DHDDS: variants seen among roughly 807,000 people sequenced by gnomAD.
DHDDS encodes the protein dehydrodolichyl diphosphate synthase subunit.
A neutral mutation model predicts 46.2 loss-of-function variants in DHDDS; 16 were observed. The observed-to-expected ratio is 0.35, with a 90% confidence interval of 0.23 to 0.53. The LOEUF is 0.53. DHDDS is among the 20% of genes least tolerant of loss of function. The pLI is 0.94. For synonymous variants in DHDDS, 151 were observed against 163.1 expected (o/e 0.93, Z 0.56); for missense variants, 340 against 423.7 (o/e 0.80, Z 1.73).
intron 8 of DHDDS, 86 bp from the exon 9 acceptor site, chr1:26,468,808 TG>T: frequency 1.3e-5 from 5 of 370,936 alleles, no homozygotes; most frequent in South Asian, 2.9e-5. Flanking sequence ...TGGCCCACCC[TG>T]TGCCCCACCC....
In DHDDS at chr1:26,469,661, C is replaced by A; in HGVS notation, c.*530C>A. 8 of 226,836 alleles carry A rather than the reference C, an allele frequency of 3.5e-5. No homozygotes were observed. Among genetic ancestry groups the A allele is most frequent in the Admixed American group, 1.0e-4 (2 of 19,458 alleles). The allele number at this position is 226,836 out of a possible 1,614,324, so 14.1% of individuals were successfully genotyped here. Reference sequence around the variant, plus strand: ...CCCATCTGCTGCTCCTCCCCCTTGGCTCTCCACCTGGGATTTGCTATTGAA... The same window carrying A: ...CCCATCTGCTGCTCCTCCCCCTTGGATCTCCACCTGGGATTTGCTATTGAA... On this transcript the variant is annotated 3_prime_UTR_variant, in exon 9 of 9. Transcript: ENST00000236342.
In DHDDS at chr1:26,457,067, G is replaced by A. The variant is rs570829915; in HGVS notation, c.543-724G>A. 2.0e-5 allele frequency among the ~76,000 whole-genome samples: 3 copies of A among 152,244 alleles called. No homozygotes were observed. The East Asian group carries it at 5.8e-4, about 29-fold the overall frequency. On this transcript the variant is annotated intron_variant, in intron 6 of 8. Transcript: ENST00000236342. ...TTAGCAAAAGACAACAGATATTTTT[G>A]TGGGTGCATCTGGTTTTAGGCCTGA...
intron 6 of DHDDS, chr1:26,455,149 T>C (rs2075359069): frequency 1.3e-6 from 1 of 773,940 alleles, no homozygotes; most frequent in African/African-American, 1.7e-5. Context: ...ATTTGCATGA[T>C]ATCATGAGGT....
chr1:26,450,231 C>T lies in DHDDS; in HGVS notation c.542+2571C>T, dbSNP rs79713406. Among the ~76,000 whole-genome samples, 833 of 152,326 alleles carry T rather than the reference C, an allele frequency of 5.5e-3. 6 individuals are homozygous for T. Among genetic ancestry groups the T allele is most frequent in the African/African-American group, 0.019 (783 of 41,570 alleles). On this transcript the variant is annotated intron_variant, in intron 6 of 8. Coordinates refer to ENST00000236342, the MANE Select transcript of DHDDS (RefSeq NM_205861.3). ...AGTGCAGTGGGGCAATCAAAGCTCA[C>T]TGAAGCTTGGAACTCCTGGTCTCAA...
intron 8 of DHDDS, among the ~76,000 whole-genome samples, chr1:26,461,060 GA>G (rs1315715862): frequency 6.6e-6 from 1 of 152,140 alleles, no homozygotes; most frequent in African/African-American, 2.4e-5. Context: ...TTTCAGTAGA[GA>G]CAGTGTTTCA....
chr1:26,465,304 T>C (rs1303311362), intron 8 of DHDDS, among the ~76,000 whole-genome samples: 1 of 152,218 alleles, frequency 6.6e-6, no homozygotes, highest in Non-Finnish European at 1.5e-5. Context: ...TCTTCTGCTC[T>C]TCAGGTTGTC....
At chr1:26,432,727 A>T (rs562261084) in intron 1 of DHDDS, 164 bp from the exon 2 acceptor site, 1 of 587,276 alleles carries the variant, frequency 1.7e-6, no homozygotes, top group South Asian at 2.0e-5. Flanking sequence ...TCCAGAGGTC[A>T]CATTGCGTTA....
chr1:26,433,074 T>C, intron 2 of DHDDS, 66 bp downstream of exon 2: 2 of 1,545,550 alleles, frequency 1.3e-6, no homozygotes, highest in Non-Finnish European at 1.8e-6. Context: ...TAAAAACCTG[T>C]TATTAAAGTT....
chr1:26,451,498 C>T (rs1372503702), intron 6 of DHDDS, among the ~76,000 whole-genome samples: 1 of 151,460 alleles, frequency 6.6e-6, no homozygotes, highest in Non-Finnish European at 1.5e-5. Flanking sequence ...CTCTGTTGCC[C>T]AGGGTGAAGT....
chr1:26,468,133 CAGAA>C (rs1557454554), intron 8 of DHDDS, among the ~76,000 whole-genome samples: 1 of 152,224 alleles, frequency 6.6e-6, no homozygotes, highest in African/African-American at 2.4e-5. Flanking sequence ...TATTTTCTAA[CAGAA>C]AGAGTGGATT....
chr1:26,450,658 A>G (rs2075310905), intron 6 of DHDDS, among the ~76,000 whole-genome samples: 1 of 152,182 alleles, frequency 6.6e-6, no homozygotes, highest in South Asian at 2.1e-4. Context: ...CATGGAAACA[A>G]TGGTGTCAAA....
chr1:26,454,475 TTTA>T (rs1035178768), intron 6 of DHDDS, among the ~76,000 whole-genome samples: 3 of 152,108 alleles, frequency 2.0e-5, no homozygotes, highest in African/African-American at 7.2e-5. Flanking sequence ...AAAATAATTT[TTTA>T]TTATTATTCT....
chr1:26,458,348 G>A (rs957383093), intron 7 of DHDDS, among the ~76,000 whole-genome samples: 2 of 152,234 alleles, frequency 1.3e-5, no homozygotes, highest in Non-Finnish European at 2.9e-5. Flanking sequence ...TCCCTGGAGA[G>A]CACATAACTA....
At chr1:26,460,184 G>A (rs2075408606) in intron 8 of DHDDS, 40 bp downstream of exon 8, 2 of 1,490,754 alleles carry the variant, frequency 1.3e-6, no homozygotes, top group Admixed American at 1.7e-5. Flanking sequence ...GGATGGGATG[G>A]AAGAAAAGAT....
chr1:26,450,812 A>G (rs2075311940), intron 6 of DHDDS, among the ~76,000 whole-genome samples: 4 of 152,216 alleles, frequency 2.6e-5, no homozygotes, highest in Admixed American at 1.3e-4. Flanking sequence ...TGTTTTCAAT[A>G]AAATTCTTAG....
chr1:26,469,685 AATCTC>A lies in DHDDS; in HGVS notation c.*555_*559del. The A allele has an allele frequency of 4.6e-6, 1 of 218,796 alleles. No individual in the cohort carries two copies. The highest frequency in any genetic ancestry group is 9.4e-6 in the Non-Finnish European group (1 of 106,506). The allele number at this position is 218,796 out of a possible 1,614,324, so 13.6% of individuals were successfully genotyped here. ...GCTCTCCACCTGGGATTTGCTATTG[AATCTC>A]TACCCTCTCCCACCACACAGTACTG... On this transcript the variant is annotated 3_prime_UTR_variant, in exon 9 of 9. Transcript: ENST00000236342.
intron 4 of DHDDS, among the ~76,000 whole-genome samples, chr1:26,443,581 A>C (rs2075239451): frequency 6.6e-6 from 1 of 152,178 alleles, no homozygotes; most frequent in Non-Finnish European, 1.5e-5. Context: ...ATTGCCCGAA[A>C]GTCTTAGTTA....
chr1:26,453,499 G>A (rs563555586), intron 6 of DHDDS, among the ~76,000 whole-genome samples: 1 of 152,236 alleles, frequency 6.6e-6, no homozygotes, highest in South Asian at 2.1e-4. Context: ...GCTCATACCT[G>A]TAATCCAGCA....
In DHDDS at chr1:26,432,903, G is replaced by A. The variant is rs2075117884; in HGVS notation, c.-43G>A. On this transcript the variant is annotated 5_prime_UTR_variant, in exon 2 of 9. In the 5' UTR this introduces an upstream ATG that the reference lacks. Coordinates refer to ENST00000236342, the MANE Select transcript of DHDDS (RefSeq NM_205861.3). ...TTGTTTATCCAAGATTACCTGGCTG[G>A]TGTTTGCTTGTTCTGGAGTGATCTT... 1.9e-6 allele frequency: 3 copies of A among 1,601,314 alleles called. No homozygotes were observed. The highest frequency in any genetic ancestry group is 2.2e-5 in the East Asian group (1 of 44,830).
Sources: allele counts gnomAD v4.1 joint callset (sites outside exome capture counted in the v4.1 genomes callset), GRCh38; gene constraint gnomAD v4.1.1; transcripts MANE v1.5; gene names NCBI Gene and HGNC (gene_info 2026-07-23, HGNC 2026-07-21).